The following INTS7 variants were observed in gnomAD, a reference collection of about 807,000 sequenced individuals.
INTS7 encodes integrator complex subunit 7, also known as chromosome 1 open reading frame 73.
In INTS7, 46 loss-of-function variants were observed where a neutral mutation model predicts 109.2. The ratio of observed to expected loss-of-function variants is 0.42; its 90% CI spans 0.33 to 0.54. The LOEUF is 0.54. Ranked by LOEUF, INTS7 falls within the 20% of genes least tolerant of loss-of-function variation. INTS7 has a pLI of 0.07. For missense variants in INTS7, 929 were observed against 1,132.4 expected (o/e 0.82, Z 2.58); for synonymous variants, 412 against 402.9 (o/e 1.02, Z -0.27).
intron 16 of INTS7, among the ~76,000 whole-genome samples, chr1:211,957,033 T>C (rs1291365941): frequency 6.6e-6 from 1 of 152,234 alleles, no homozygotes; most frequent in Non-Finnish European, 1.5e-5. Context: ...TCATTGTGTA[T>C]TCCCAACAAC....
chr1:211,987,117 T>G (rs530830112), intron 8 of INTS7, among the ~76,000 whole-genome samples: 108 of 152,036 alleles, frequency 7.1e-4, no homozygotes, highest in African/African-American at 2.4e-3. Context: ...GGCTGAATGG[T>G]GAAACTCCAT....
chr1:211,971,504 A>G (rs1318338896), intron 13 of INTS7, among the ~76,000 whole-genome samples: 1 of 152,226 alleles, frequency 6.6e-6, no homozygotes, highest in Non-Finnish European at 1.5e-5. Flanking sequence ...GAATCTTAGG[A>G]ACATAATTTA....
chr1:212,015,074 C>T (rs1448018210), intron 4 of INTS7, among the ~76,000 whole-genome samples: 1 of 142,130 alleles, frequency 7.0e-6, no homozygotes, highest in African/African-American at 3.1e-5. Context: ...GGCAGCCGCC[C>T]CATCCGGGAG....
At chr1:211,973,536 T>C (rs116739951) in intron 13 of INTS7, among the ~76,000 whole-genome samples, 1,866 of 152,304 alleles carry the variant, frequency 0.012, 18 homozygotes, top group Middle Eastern at 0.027. Flanking sequence ...ATCTCAGGTA[T>C]GGATCATTCA....
At chr1:212,014,987 G>A (rs964398420) in intron 4 of INTS7, among the ~76,000 whole-genome samples, 5 of 151,924 alleles carry the variant, frequency 3.3e-5, no homozygotes, top group African/African-American at 9.7e-5. Flanking sequence ...GTCTCTAACC[G>A]GCCACCCCAT....
intron 13 of INTS7, among the ~76,000 whole-genome samples, chr1:211,969,551 C>CTTTTTTTTT (rs36104773): frequency 1.1e-4 from 9 of 85,010 alleles, no homozygotes; most frequent in Admixed American, 1.4e-4. Context: ...TTTTTCTTTT[C>CTTTTTTTTT]TTTTTTTTTT....
chr1:211,990,473 T>C (rs1465812289), intron 7 of INTS7, among the ~76,000 whole-genome samples: 1 of 152,212 alleles, frequency 6.6e-6, no homozygotes, highest in Non-Finnish European at 1.5e-5. Flanking sequence ...CAGTGATCAC[T>C]TCTGCAGAGG....
chr1:211,975,380 C>A lies in INTS7; in HGVS notation c.1609-8G>T. 6.2e-7 allele frequency: 1 copy of A among 1,604,694 alleles called. No individual in the cohort carries two copies. Among genetic ancestry groups the A allele is most frequent in the Non-Finnish European group, 8.5e-7 (1 of 1,174,782 alleles). The stretch of plus-strand genomic sequence containing the variant: ...GGCCATGTCATGATTACCCTAAAAA[C>A]AAAAAAAGAAAAGAAAAAAGAATAG... On this transcript the variant is annotated splice_region_variant and splice_polypyrimidine_tract_variant and intron_variant, in intron 12 of 19. Transcript: ENST00000366994.
At chr1:211,956,030 A>C (rs1663344910) in intron 16 of INTS7, among the ~76,000 whole-genome samples, 1 of 152,228 alleles carries the variant, frequency 6.6e-6, no homozygotes, top group Non-Finnish European at 1.5e-5. Context: ...TCTGTACATA[A>C]GATTTGTTTC....
At chr1:211,992,660 G>A (rs1486926856) in intron 7 of INTS7, among the ~76,000 whole-genome samples, 1 of 152,058 alleles carries the variant, frequency 6.6e-6, no homozygotes, top group Non-Finnish European at 1.5e-5. Context: ...TCCAGCTTGG[G>A]CAACAGGGTA....
chr1:211,973,758 A>C (rs1028648487), intron 13 of INTS7, among the ~76,000 whole-genome samples: 11 of 152,200 alleles, frequency 7.2e-5, no homozygotes, highest in African/African-American at 2.7e-4. Context: ...TGTAGACTAC[A>C]CTCAAGTGAA....
rs756784203 is a variant in INTS7, at chr1:211,978,280, C to T, written c.1462G>A (p.Glu488Lys). 1.9e-6 allele frequency: 3 copies of T among 1,614,072 alleles called. No homozygotes were observed. The South Asian group carries it at 3.3e-5, about 18-fold the overall frequency. Reference sequence around the variant, plus strand: ...CAAAATGGGCTTTTTACCAGAAGTTCTTGTTGCTTGTCTGTGGCTGATCGT... The same window carrying T: ...CAAAATGGGCTTTTTACCAGAAGTTTTTGTTGCTTGTCTGTGGCTGATCGT... ...IGRSATDKQQELLVSLATVIF... is the reference protein window; with the variant it reads ...IGRSATDKQQKLLVSLATVIF... Residue 488 changes from glutamate to lysine, a missense_variant, in exon 11 of 20, where the codon GAA becomes AAA. Physicochemically the swap from Glu to Lys is moderately conservative, Grantham distance 56. Transcript: ENST00000366994.
intron 8 of INTS7, among the ~76,000 whole-genome samples, chr1:211,986,428 T>C (rs1290448203): frequency 6.6e-6 from 1 of 152,160 alleles, no homozygotes; most frequent in East Asian, 1.9e-4. Flanking sequence ...AGATAACTGA[T>C]AATGTACTTC....
chr1:211,968,377 C>G (rs1339392022), intron 14 of INTS7, 136 bp downstream of exon 14: 8 of 696,136 alleles, frequency 1.1e-5, no homozygotes, highest in African/African-American at 1.8e-5. Context: ...TATTTTTTAG[C>G]CAGACAGTTG....
At chr1:211,964,252 G>C (rs575882398) in intron 16 of INTS7, among the ~76,000 whole-genome samples, 21 of 152,156 alleles carry the variant, frequency 1.4e-4, no homozygotes, top group African/African-American at 5.1e-4. Context: ...GTCACAAAAA[G>C]AATAAAATAC....
chr1:211,998,613 T>G (rs531732584), intron 7 of INTS7, among the ~76,000 whole-genome samples: 1 of 151,112 alleles, frequency 6.6e-6, no homozygotes, highest in South Asian at 2.1e-4. Context: ...GAGAAAACTT[T>G]TGTGATTTTG....
chr1:211,973,563 G>A (rs944698613), intron 13 of INTS7, among the ~76,000 whole-genome samples: 2 of 152,218 alleles, frequency 1.3e-5, no homozygotes, highest in East Asian at 3.9e-4. Context: ...TAAGTTAAAA[G>A]GGGCAGCCCA....
chr1:211,992,763 T>C (rs1665200448), intron 7 of INTS7, among the ~76,000 whole-genome samples: 2 of 152,214 alleles, frequency 1.3e-5, no homozygotes, highest in Non-Finnish European at 2.9e-5. Context: ...GAGCAAATCA[T>C]GAAGTTCCCC....
chr1:212,017,412 A>G (rs1558056195), intron 3 of INTS7, among the ~76,000 whole-genome samples: 1 of 152,224 alleles, frequency 6.6e-6, no homozygotes, highest in Non-Finnish European at 1.5e-5. Flanking sequence ...CAGATACACA[A>G]AGTAAAAAAA....
Sources: allele counts gnomAD v4.1 joint callset (sites outside exome capture counted in the v4.1 genomes callset), GRCh38; gene constraint gnomAD v4.1.1; transcripts MANE v1.5; gene names NCBI Gene and HGNC (gene_info 2026-07-23, HGNC 2026-07-21).